The following SHC3 variants were observed in gnomAD, a reference collection of about 807,000 sequenced individuals.
SHC3 encodes SHC-transforming protein 3.
In SHC3, 15 loss-of-function variants were observed where a neutral mutation model predicts 60.4. The ratio of observed to expected loss-of-function variants is 0.25; its 90% confidence interval spans 0.17 to 0.38. SHC3 has a LOEUF of 0.38. Ranked by LOEUF, SHC3 falls within the 10% of genes least tolerant of loss-of-function variation. The pLI is 1.00. For synonymous variants in SHC3, 294 were observed against 325.9 expected (o/e 0.90, Z 1.05); for missense variants, 677 against 786.1 (o/e 0.86, Z 1.66).
intron 2 of SHC3, among the ~76,000 whole-genome samples, chr9:89,108,467 A>G (rs149343469): frequency 0.014 from 2,106 of 152,146 alleles, 20 homozygotes; most frequent in Middle Eastern, 0.037. Flanking sequence ...GTTGCAGTGA[A>G]CCAAGATTGC....
chr9:89,082,271 C>T (rs1459208391), intron 2 of SHC3, among the ~76,000 whole-genome samples: 1 of 152,126 alleles, frequency 6.6e-6, no homozygotes, highest in East Asian at 1.9e-4. Context: ...CCCACACACC[C>T]GCTCCCTCCC....
intron 1 of SHC3, among the ~76,000 whole-genome samples, chr9:89,147,268 G>A (rs1826482174): frequency 6.6e-6 from 1 of 152,086 alleles, no homozygotes; most frequent in South Asian, 2.1e-4. Flanking sequence ...GCTGGGTAGG[G>A]CACCAGTGAA....
At chr9:89,059,103 G>T (rs1825012568) in intron 6 of SHC3, among the ~76,000 whole-genome samples, 1 of 150,110 alleles carries the variant, frequency 6.7e-6, no homozygotes. Flanking sequence ...GGTGGTGGAG[G>T]ATGGTGGTGG....
At chr9:89,124,167 T>G (rs28394184) in intron 1 of SHC3, among the ~76,000 whole-genome samples, 139,584 of 152,150 alleles carry the variant, frequency 0.92, 64,085 homozygotes, top group East Asian at 0.98. Flanking sequence ...TTAGAATGGC[T>G]TTCATTAAAA....
At chr9:89,149,329 T>C (rs542869453) in intron 1 of SHC3, among the ~76,000 whole-genome samples, 1 of 152,332 alleles carries the variant, frequency 6.6e-6, no homozygotes, top group African/African-American at 2.4e-5. Context: ...TCTCTGAATA[T>C]TATAATTTTT....
chr9:89,171,171 T>C (rs1250432631), intron 1 of SHC3, among the ~76,000 whole-genome samples: 3 of 152,166 alleles, frequency 2.0e-5, no homozygotes, highest in Admixed American at 2.0e-4. Flanking sequence ...GAGTATACAG[T>C]ACCTCTGCTA....
chr9:89,123,222 A>T (rs1826117092), intron 1 of SHC3, among the ~76,000 whole-genome samples: 1 of 152,222 alleles, frequency 6.6e-6, no homozygotes, highest in Non-Finnish European at 1.5e-5. Flanking sequence ...CATGTTGTAA[A>T]AAGAATGTGT....
chr9:89,021,860 A>G (rs989573282), intron 11 of SHC3, among the ~76,000 whole-genome samples: 2 of 152,160 alleles, frequency 1.3e-5, no homozygotes, highest in Non-Finnish European at 2.9e-5. Context: ...ATGACTTGGG[A>G]ATAAAATGGG....
At chr9:89,014,057 C>T (rs1423574409) in intron 11 of SHC3, among the ~76,000 whole-genome samples, 3 of 152,176 alleles carry the variant, frequency 2.0e-5, no homozygotes, top group Non-Finnish European at 4.4e-5. Flanking sequence ...CACCTCCAGG[C>T]AGCCTTCCTT....
intron 1 of SHC3, among the ~76,000 whole-genome samples, chr9:89,137,082 A>T (rs1462916471): frequency 6.6e-6 from 1 of 152,132 alleles, no homozygotes; most frequent in African/African-American, 2.4e-5. Flanking sequence ...TTGTGAGAAC[A>T]TACTCACTAT....
rs372997526 is a variant in SHC3 at position 89,162,424 on chromosome 9, T to A, written c.474+15563A>T. ...AGATCAATGGAACAGAACAGAGCCC[T>A]CAGAAATAATGCCGCATATCTACAA... is the stretch of plus-strand genomic sequence containing the variant. On this transcript the variant is annotated intron_variant, in intron 1 of 11. Coordinates refer to ENST00000375835, the MANE Select transcript of SHC3 (RefSeq NM_016848.6). Among the ~76,000 whole-genome samples the A allele has an allele frequency of 1.6e-4, 25 of 151,566 alleles. No homozygotes were observed. The South Asian group carries it at 3.5e-3, about 21-fold the overall frequency.
chr9:89,029,579 G>C (rs1824441373), intron 11 of SHC3, among the ~76,000 whole-genome samples: 1 of 152,138 alleles, frequency 6.6e-6, no homozygotes, highest in Non-Finnish European at 1.5e-5. Flanking sequence ...GAAAGAGGAA[G>C]ATATAGGATA....
chr9:89,125,957 A>G (rs534116569), intron 1 of SHC3, among the ~76,000 whole-genome samples: 1 of 152,224 alleles, frequency 6.6e-6, no homozygotes, highest in South Asian at 2.1e-4. Context: ...TTACTTTCTT[A>G]ATAAACTTGC....
intron 11 of SHC3, among the ~76,000 whole-genome samples, chr9:89,033,200 T>C (rs1008055407): frequency 6.6e-6 from 1 of 152,202 alleles, no homozygotes; most frequent in African/African-American, 2.4e-5. Flanking sequence ...TACATTATGA[T>C]ACTGATTTTT....
chr9:89,005,837 T>C lies in SHC3; in HGVS notation c.*7610A>G, dbSNP rs148557305. 2.0e-5 allele frequency: 3 copies of C among 152,244 alleles called. No homozygotes were observed. The highest frequency in any genetic ancestry group is 2.1e-4 in the South Asian group (1 of 4,832). The allele number at this position is 152,244 out of a possible 1,614,324, so 9.4% of individuals were successfully genotyped here. The stretch of plus-strand genomic sequence containing the variant: ...ATAGTCCTTTAAACAATTAACTGTT[T>C]AGAAAATGGTTGTTTCTCTCAACCC... On this transcript the variant is annotated 3_prime_UTR_variant, in exon 12 of 12. Transcript: ENST00000375835.
intron 1 of SHC3, among the ~76,000 whole-genome samples, chr9:89,133,803 C>T (rs1826283078): frequency 6.6e-6 from 1 of 152,168 alleles, no homozygotes; most frequent in East Asian, 1.9e-4. Context: ...GGAGATAAAC[C>T]TAATGTAAAT....
chr9:89,048,818 G>A (rs1334589510), intron 7 of SHC3, among the ~76,000 whole-genome samples: 1 of 152,164 alleles, frequency 6.6e-6, no homozygotes, highest in Admixed American at 6.5e-5. Flanking sequence ...GAAACGGAAG[G>A]CAGGGCAAGC....
intron 1 of SHC3, among the ~76,000 whole-genome samples, chr9:89,167,235 T>A (rs893961356): frequency 6.6e-6 from 1 of 152,216 alleles, no homozygotes; most frequent in Non-Finnish European, 1.5e-5. Context: ...CCTGAGTTAA[T>A]AAGCCATTCT....
At chr9:89,085,370 A>G (rs1269333778) in intron 2 of SHC3, among the ~76,000 whole-genome samples, 1 of 152,212 alleles carries the variant, frequency 6.6e-6, no homozygotes, top group Non-Finnish European at 1.5e-5. Flanking sequence ...AAATCATTTC[A>G]GGTGCCTTCC....
Sources: allele counts gnomAD v4.1 joint callset (sites outside exome capture counted in the v4.1 genomes callset), GRCh38; gene constraint gnomAD v4.1.1; transcripts MANE v1.5; gene names NCBI Gene and HGNC (gene_info 2026-07-23, HGNC 2026-07-21).